GLIS3: variants seen among roughly 807,000 people sequenced by gnomAD.
The protein encoded by GLIS3 is zinc finger protein GLIS3.
In GLIS3, 53 loss-of-function variants were observed where a neutral mutation model predicts 78.6. The ratio of observed to expected loss-of-function variants is 0.67; its 90% CI spans 0.54 to 0.85. The LOEUF is 0.85. Ranked by LOEUF, GLIS3 falls within the 40% of genes least tolerant of loss-of-function variation. The probability of loss-of-function intolerance (pLI) is 0.00; values close to 1 mark genes in which losing one functional copy is unlikely to be tolerated. For missense variants in GLIS3, 1,703 were observed against 1,231.1 expected (o/e 1.38, Z -5.74); for synonymous variants, 684 against 509.9 (o/e 1.34, Z -4.60).
intron 2 of GLIS3, among the ~76,000 whole-genome samples, chr9:4,328,580 A>T (rs1817636891): frequency 6.6e-6 from 1 of 152,230 alleles, no homozygotes; most frequent in Non-Finnish European, 1.5e-5. Context: ...CAAGAAAGAT[A>T]AAGCTCCTGA....
At chr9:4,205,176 A>AG (rs1491174751) in intron 2 of GLIS3, among the ~76,000 whole-genome samples, 6 of 6,314 alleles carry the variant, frequency 9.5e-4, no homozygotes, top group Non-Finnish European at 1.8e-3. Flanking sequence ...AGACTCTGTC[A>AG]AAAAAAAAAA....
At chr9:4,224,500 T>G (rs1821598321) in intron 2 of GLIS3, among the ~76,000 whole-genome samples, 1 of 152,074 alleles carries the variant, frequency 6.6e-6, no homozygotes, top group South Asian at 2.1e-4. Context: ...TTAGGAAGAG[T>G]TCTGTGCTTC....
At chr9:4,467,300 G>A in the GLIS3 span, among the ~76,000 whole-genome samples, 1 of 152,192 alleles carries the variant, frequency 6.6e-6, no homozygotes, top group African/African-American at 2.4e-5. Flanking sequence ...TCCCAGCATG[G>A]AGTTTGAGAT....
intron 4 of GLIS3, among the ~76,000 whole-genome samples, chr9:3,951,485 T>G (rs896310913): frequency 6.6e-6 from 1 of 151,186 alleles, no homozygotes; most frequent in Non-Finnish European, 1.5e-5. Context: ...AAGAGTAGTA[T>G]TTAGTTAAAG....
rs1816873445 is a variant in GLIS3 at position 4,299,024 on chromosome 9, G to A, written c.-99+397C>T. Among the ~76,000 whole-genome samples the A allele has an allele frequency of 2.0e-5, 3 of 152,154 alleles. No individual in the cohort carries two copies. The South Asian group carries it at 6.2e-4, about 32-fold the overall frequency. ...CCTTCAGTGGGGACTCCAGAGTGGTGCGCCCCATGCCCGTGCGTCCTGTAA... is the reference window on the plus strand; with the variant it reads ...CCTTCAGTGGGGACTCCAGAGTGGTACGCCCCATGCCCGTGCGTCCTGTAA... On this transcript the variant is annotated intron_variant, in intron 1 of 10. Coordinates refer to ENST00000381971, the MANE Select transcript of GLIS3 (RefSeq NM_001042413.2).
At chr9:4,468,082 T>A in the GLIS3 span, among the ~76,000 whole-genome samples, 1 of 151,884 alleles carries the variant, frequency 6.6e-6, no homozygotes, top group African/African-American at 2.4e-5. Flanking sequence ...GAAGAGAAGT[T>A]TAGAGAAAAA....
At chr9:4,385,124 T>C in the GLIS3 span, among the ~76,000 whole-genome samples, 1 of 152,232 alleles carries the variant, frequency 6.6e-6, no homozygotes, top group African/African-American at 2.4e-5. Context: ...CAGAACAGTT[T>C]ACTGTACACA....
chr9:4,132,581 T>C (rs986985585), intron 2 of GLIS3, among the ~76,000 whole-genome samples: 1 of 151,928 alleles, frequency 6.6e-6, no homozygotes, highest in Non-Finnish European at 1.5e-5. Context: ...CTGACACTTA[T>C]CAAATGCCAA....
At chr9:3,989,225 A>C (rs1451926841) in intron 4 of GLIS3, among the ~76,000 whole-genome samples, 1 of 152,152 alleles carries the variant, frequency 6.6e-6, no homozygotes, top group African/African-American at 2.4e-5. Context: ...CAGAATAGCT[A>C]AAAATTAAAA....
chr9:4,426,029 C>CA, the GLIS3 span, among the ~76,000 whole-genome samples: 1 of 152,074 alleles, frequency 6.6e-6, no homozygotes, highest in South Asian at 2.1e-4. Flanking sequence ...TCTTCCTCGA[C>CA]AAAAAACACA....
At chr9:4,340,514 C>T (rs1407485735) in intron 2 of GLIS3, among the ~76,000 whole-genome samples, 1 of 152,010 alleles carries the variant, frequency 6.6e-6, no homozygotes, top group African/African-American at 2.4e-5. Context: ...TTCTCCTTGC[C>T]CGGATGGTTC....
intron 4 of GLIS3, among the ~76,000 whole-genome samples, chr9:4,090,704 C>T (rs2130749922): frequency 6.6e-6 from 1 of 152,320 alleles, no homozygotes; most frequent in South Asian, 2.1e-4. Flanking sequence ...TCCTTAGTTT[C>T]CGCTAGTAGT....
chr9:4,313,486 T>A (rs1381597460), intron 2 of GLIS3, among the ~76,000 whole-genome samples: 1 of 152,074 alleles, frequency 6.6e-6, no homozygotes, highest in Non-Finnish European at 1.5e-5. Context: ...CCAGACCATT[T>A]CTCTAACCTC....
chr9:4,323,668 T>A (rs1227883746), intron 2 of GLIS3, among the ~76,000 whole-genome samples: 1 of 152,234 alleles, frequency 6.6e-6, no homozygotes, highest in South Asian at 2.1e-4. Flanking sequence ...GCATCATGTA[T>A]GTCTCCTCTG....
intron 4 of GLIS3, among the ~76,000 whole-genome samples, chr9:4,018,860 A>G (rs1344217899): frequency 1.3e-5 from 2 of 152,236 alleles, no homozygotes; most frequent in African/African-American, 4.8e-5. Flanking sequence ...ACTAGAAAAG[A>G]AAGATCCTGT....
chr9:4,014,951 A>C (rs888445836), intron 4 of GLIS3, among the ~76,000 whole-genome samples: 1 of 152,208 alleles, frequency 6.6e-6, no homozygotes, highest in Non-Finnish European at 1.5e-5. Flanking sequence ...TCTGGAAATG[A>C]TTAAAGAACA....
chr9:3,885,891 C>T (rs952758304), intron 7 of GLIS3, among the ~76,000 whole-genome samples: 5 of 152,206 alleles, frequency 3.3e-5, no homozygotes, highest in African/African-American at 1.2e-4. Flanking sequence ...GAATTAGAAT[C>T]TTAGCCTTAG....
chr9:4,451,652 C>G, the GLIS3 span, among the ~76,000 whole-genome samples: 1 of 152,186 alleles, frequency 6.6e-6, no homozygotes, highest in African/African-American at 2.4e-5. Flanking sequence ...AACTGTCTCT[C>G]AGACCACAGT....
intron 4 of GLIS3, among the ~76,000 whole-genome samples, chr9:4,044,858 G>A (rs1005156515): frequency 6.6e-6 from 1 of 152,188 alleles, no homozygotes; most frequent in East Asian, 1.9e-4. Context: ...ACACCATCTT[G>A]AAAGTCCCCC....
Sources: allele counts gnomAD v4.1 joint callset (sites outside exome capture counted in the v4.1 genomes callset), GRCh38; gene constraint gnomAD v4.1.1; transcripts MANE v1.5; gene names NCBI Gene and HGNC (gene_info 2026-07-23, HGNC 2026-07-21).